The following KCNH7 variants were observed in gnomAD, a reference collection of about 807,000 sequenced individuals.
KCNH7 encodes potassium voltage-gated channel subfamily H member 7.
KCNH7 carries 49 observed loss-of-function variants against 120.8 expected under a neutral mutation model. The ratio of observed to expected loss-of-function variants is 0.41; its 90% CI spans 0.32 to 0.51. The LOEUF is 0.51. Among genes scored for constraint, KCNH7 ranks in the 20% least tolerant of loss-of-function variants. The pLI is 0.38. For missense variants in KCNH7, 1,097 were observed against 1,446.6 expected, an observed-to-expected ratio of 0.76 and a Z score of 3.92; for synonymous variants, 547 against 516.1, an observed-to-expected ratio of 1.06 and a Z score of -0.81.
intron 2 of KCNH7, among the ~76,000 whole-genome samples, chr2:162,752,910 A>G (rs562990579): frequency 0.017 from 701 of 42,438 alleles, no homozygotes; most frequent in Middle Eastern, 0.057. Flanking sequence ...CAGAAAAAGA[A>G]AAGAAAAGAA....
At chr2:162,603,426 C>T (rs1445411403) in intron 2 of KCNH7, among the ~76,000 whole-genome samples, 1 of 151,946 alleles carries the variant, frequency 6.6e-6, no homozygotes, top group Non-Finnish European at 1.5e-5. Context: ...AAATACTATA[C>T]TTTTATTATA....
At chr2:162,517,090 G>A (rs1328663638) in intron 4 of KCNH7, among the ~76,000 whole-genome samples, 1 of 151,626 alleles carries the variant, frequency 6.6e-6, no homozygotes, top group Non-Finnish European at 1.5e-5. Flanking sequence ...CTTTTTTTAA[G>A]GATCCTTAAT....
At chr2:162,809,909 CTTTTTTTTTTTTTTTT>C (rs748538332) in intron 2 of KCNH7, among the ~76,000 whole-genome samples, 2 of 51,220 alleles carry the variant, frequency 3.9e-5, no homozygotes, top group East Asian at 9.6e-4. Context: ...CTCACCTATT[CTTTTTTTTTTTTTTTT>C]TTTTTTTTGA....
intron 2 of KCNH7, among the ~76,000 whole-genome samples, chr2:162,550,899 A>C (rs1692646976): frequency 6.6e-6 from 1 of 151,054 alleles, no homozygotes; most frequent in South Asian, 2.1e-4. Flanking sequence ...AATAATAATA[A>C]TAATAATAAT....
intron 2 of KCNH7, among the ~76,000 whole-genome samples, chr2:162,585,848 A>C (rs1195857976): frequency 6.6e-6 from 1 of 152,038 alleles, no homozygotes; most frequent in Non-Finnish European, 1.5e-5. Flanking sequence ...ATATTTATTT[A>C]AAATGAATAA....
intron 9 of KCNH7, among the ~76,000 whole-genome samples, chr2:162,410,434 GGA>G (rs1687352845): frequency 6.6e-6 from 1 of 151,898 alleles, no homozygotes; most frequent in Non-Finnish European, 1.5e-5. Flanking sequence ...AGCTCAAGAT[GGA>G]TTAAAGACTT....
chr2:162,621,100 A>G (rs537844126), intron 2 of KCNH7, among the ~76,000 whole-genome samples: 2 of 152,084 alleles, frequency 1.3e-5, no homozygotes, highest in East Asian at 3.9e-4. Flanking sequence ...GTGTGTGTAT[A>G]TATTCATTTG....
chr2:162,590,459 G>A (rs1486178247), intron 2 of KCNH7, among the ~76,000 whole-genome samples: 3 of 152,030 alleles, frequency 2.0e-5, no homozygotes, highest in Admixed American at 2.0e-4. Context: ...TAAAGTGATG[G>A]GCATCTTGAT....
chr2:162,453,987 T>C (rs1485314037), intron 6 of KCNH7, among the ~76,000 whole-genome samples: 3 of 152,186 alleles, frequency 2.0e-5, no homozygotes, highest in Admixed American at 2.0e-4. Context: ...TTTTGGCTTT[T>C]GTTGCAATTG....
chr2:162,537,324 T>C (rs940470651), intron 2 of KCNH7, among the ~76,000 whole-genome samples: 6 of 152,008 alleles, frequency 3.9e-5, no homozygotes, highest in Non-Finnish European at 7.4e-5. Context: ...AACAGAAATA[T>C]CAAATTCTAT....
intron 2 of KCNH7, among the ~76,000 whole-genome samples, chr2:162,737,363 C>G (rs764087387): frequency 2.6e-5 from 4 of 151,896 alleles, no homozygotes; most frequent in Non-Finnish European, 4.4e-5. Context: ...CCAGAAGGAG[C>G]CTTGTGTTTT....
intron 2 of KCNH7, among the ~76,000 whole-genome samples, chr2:162,723,811 T>C (rs1252826045): frequency 6.6e-6 from 1 of 152,184 alleles, no homozygotes; most frequent in Non-Finnish European, 1.5e-5. Context: ...TTAAAAAGTA[T>C]ACAGTATATA....
At chr2:162,650,999 A>G (rs1322582637) in intron 2 of KCNH7, among the ~76,000 whole-genome samples, 3 of 152,174 alleles carry the variant, frequency 2.0e-5, no homozygotes, top group African/African-American at 7.2e-5. Flanking sequence ...ATGAATAATT[A>G]CTTATTGTCT....
intron 2 of KCNH7, among the ~76,000 whole-genome samples, chr2:162,735,344 A>T (rs1267443883): frequency 6.6e-6 from 1 of 152,220 alleles, no homozygotes; most frequent in Non-Finnish European, 1.5e-5. Flanking sequence ...CAAGGTTAAA[A>T]TTATAATAGG....
At chr2:162,713,156 C>T (rs969003208) in intron 2 of KCNH7, among the ~76,000 whole-genome samples, 6 of 152,144 alleles carry the variant, frequency 3.9e-5, no homozygotes, top group African/African-American at 1.4e-4. Context: ...TGGTCTCAGG[C>T]TCCTGACAAT....
At chr2:162,829,736 T>C (rs1057113666) in intron 2 of KCNH7, among the ~76,000 whole-genome samples, 2 of 151,216 alleles carry the variant, frequency 1.3e-5, no homozygotes, top group African/African-American at 4.9e-5. Context: ...AATAAAATTA[T>C]GGTAAAAATT....
chr2:162,450,110 C>A lies in KCNH7; in HGVS notation c.1129-3667G>T, dbSNP rs1002648647. On this transcript the variant is annotated intron_variant, in intron 6 of 15. Coordinates refer to ENST00000332142, the MANE Select transcript of KCNH7 (RefSeq NM_033272.4). ...TACTTGCGTTATCATGATAAACTAACCTAATTCTTAATGTGAACTCTGTTC... is the reference window on the plus strand; with the variant it reads ...TACTTGCGTTATCATGATAAACTAAACTAATTCTTAATGTGAACTCTGTTC... 4.6e-5 allele frequency among the ~76,000 whole-genome samples: 7 copies of A among 151,990 alleles called. No individual in the cohort carries two copies. The East Asian group carries it at 9.6e-4, about 21-fold the overall frequency.
chr2:162,406,203 C>CT (rs1018267727), intron 9 of KCNH7, among the ~76,000 whole-genome samples: 1 of 150,718 alleles, frequency 6.6e-6, no homozygotes, highest in African/African-American at 2.4e-5. Context: ...GAGCTGGTTC[C>CT]TTTTTTTTTA....
At chr2:162,813,639 TCTA>T (rs1348676602) in intron 2 of KCNH7, among the ~76,000 whole-genome samples, 2 of 152,194 alleles carry the variant, frequency 1.3e-5, no homozygotes, top group African/African-American at 4.8e-5. Flanking sequence ...CACTCAAATT[TCTA>T]CTAAGTCTGT....
Sources: allele counts gnomAD v4.1 joint callset (sites outside exome capture counted in the v4.1 genomes callset), GRCh38; gene constraint gnomAD v4.1.1; transcripts MANE v1.5; gene names NCBI Gene and HGNC (gene_info 2026-07-23, HGNC 2026-07-21).